The following SLC8A1 variants were observed in gnomAD, a reference collection of about 807,000 sequenced individuals.
The protein encoded by SLC8A1 is sodium/calcium exchanger 1.
In SLC8A1, 18 loss-of-function variants were observed where a neutral mutation model predicts 68.3. The observed-to-expected ratio is 0.26, with a 90% CI of 0.18 to 0.39. The LOEUF is 0.39. SLC8A1 is among the 10% of genes least tolerant of loss of function. SLC8A1 has a pLI of 1.00. For synonymous variants in SLC8A1, 475 were observed against 415.5 expected (o/e 1.14, Z -1.74); for missense variants, 985 against 1,156.7 (o/e 0.85, Z 2.15).
At position 40,172,605 on chromosome 2, in the gene SLC8A1, T is replaced by C. The variant is rs72792748; in HGVS notation, c.1930+2220A>G. On this transcript the variant is annotated intron_variant, in intron 4 of 7. Transcript: ENST00000406785. ...AACTAGGATCCCATTACCTGAGATATTAAAAGGGAGGACAGTTCAAATGAC... is the reference window on the plus strand; with the variant it reads ...AACTAGGATCCCATTACCTGAGATACTAAAAGGGAGGACAGTTCAAATGAC... Among the ~76,000 whole-genome samples the C allele has an allele frequency of 3.5e-3, 537 of 152,046 alleles. 3 individuals carry two copies. The highest frequency in any genetic ancestry group is 0.017 in the Middle Eastern group (5 of 294).
chr2:40,401,287 G>T (rs937160258), intron 2 of SLC8A1, among the ~76,000 whole-genome samples: 2 of 152,058 alleles, frequency 1.3e-5, no homozygotes, highest in African/African-American at 2.4e-5. Flanking sequence ...CTTCAAACAC[G>T]CTACAAGTTT....
chr2:40,357,328 C>T (rs1036963838), intron 2 of SLC8A1, among the ~76,000 whole-genome samples: 5 of 151,150 alleles, frequency 3.3e-5, no homozygotes, highest in African/African-American at 1.2e-4. Flanking sequence ...CCTGTCTCTA[C>T]AAAACATTTT....
At chr2:40,485,125 G>T (rs757555961) in intron 1 of SLC8A1, among the ~76,000 whole-genome samples, 5 of 152,054 alleles carry the variant, frequency 3.3e-5, no homozygotes, top group Non-Finnish European at 5.9e-5. Context: ...AATAGAGGAG[G>T]AGGAGTAGAA....
At chr2:40,285,290 T>A (rs541352611) in intron 2 of SLC8A1, among the ~76,000 whole-genome samples, 4 of 152,162 alleles carry the variant, frequency 2.6e-5, no homozygotes, top group Non-Finnish European at 5.9e-5. Context: ...GACGTTCTCT[T>A]TAACCCTTTC....
intron 2 of SLC8A1, among the ~76,000 whole-genome samples, chr2:40,244,941 A>G (rs1414640909): frequency 6.6e-6 from 1 of 152,208 alleles, no homozygotes; most frequent in East Asian, 1.9e-4. Context: ...TCTGCTGTAC[A>G]TATTTGCCAA....
At chr2:40,178,238 G>A in intron 2 of SLC8A1, 149 bp downstream of exon 3, 1 of 686,294 alleles carries the variant, frequency 1.5e-6, no homozygotes, top group Admixed American at 2.3e-5. Flanking sequence ...CTACAGGCCT[G>A]CCTACTGTGG....
intron 6 of SLC8A1, among the ~76,000 whole-genome samples, chr2:40,150,814 C>G (rs767251115): frequency 3.3e-5 from 5 of 152,222 alleles, no homozygotes; most frequent in Non-Finnish European, 5.9e-5. Flanking sequence ...CTCCCACCCT[C>G]TCGTACTTCC....
At chr2:40,270,158 A>G (rs1463717956) in intron 2 of SLC8A1, among the ~76,000 whole-genome samples, 2 of 152,204 alleles carry the variant, frequency 1.3e-5, no homozygotes, top group Non-Finnish European at 2.9e-5. Flanking sequence ...TGTCTATGAG[A>G]CAATTCAAAA....
intron 2 of SLC8A1, among the ~76,000 whole-genome samples, chr2:40,198,230 G>C (rs2053465571): frequency 6.6e-6 from 1 of 151,928 alleles, no homozygotes; most frequent in Non-Finnish European, 1.5e-5. Context: ...TAGAAGTAAA[G>C]GAGGGATTAG....
chr2:40,356,738 G>A (rs537200749), intron 2 of SLC8A1, among the ~76,000 whole-genome samples: 1 of 152,308 alleles, frequency 6.6e-6, no homozygotes, highest in East Asian at 1.9e-4. Flanking sequence ...AAGCACTTAT[G>A]TCTACTTAAA....
At chr2:40,363,955 A>T (rs1437129019) in intron 2 of SLC8A1, among the ~76,000 whole-genome samples, 1 of 151,978 alleles carries the variant, frequency 6.6e-6, no homozygotes, top group Non-Finnish European at 1.5e-5. Flanking sequence ...TTCGGGGAGA[A>T]AAAAATGAAA....
intron 2 of SLC8A1, among the ~76,000 whole-genome samples, chr2:40,342,023 A>G (rs771808607): frequency 1.1e-4 from 16 of 152,128 alleles, no homozygotes; most frequent in Non-Finnish European, 1.8e-4. Flanking sequence ...TATAGACCTA[A>G]TCAAAGGTTA....
At chr2:40,206,740 G>A (rs1481429140) in intron 2 of SLC8A1, among the ~76,000 whole-genome samples, 8 of 152,016 alleles carry the variant, frequency 5.3e-5, no homozygotes, top group Admixed American at 3.9e-4. Flanking sequence ...CGATCTACAT[G>A]GTTGAGGGGG....
At chr2:40,448,081 AGCAAGGACTAC>A (rs1701776063) in intron 1 of SLC8A1, among the ~76,000 whole-genome samples, 1 of 152,278 alleles carries the variant, frequency 6.6e-6, no homozygotes, top group Admixed American at 6.5e-5. Flanking sequence ...CACTTGAGGC[AGCAAGGACTAC>A]GAGCAACTGT....
chr2:40,430,349 C>T (rs1348349035), intron 1 of SLC8A1, 45 bp from the exon 2 acceptor site: 1 of 1,506,036 alleles, frequency 6.6e-7, no homozygotes, highest in Non-Finnish European at 8.9e-7. Context: ...AAAGTCATGT[C>T]ATTAGAGCTG....
intron 2 of SLC8A1, among the ~76,000 whole-genome samples, chr2:40,350,754 G>A (rs56281318): frequency 0.018 from 2,685 of 152,028 alleles, 94 homozygotes; most frequent in African/African-American, 0.061. Flanking sequence ...TGCCTGGCAC[G>A]TCACTAATCT....
At chr2:40,344,035 A>T (rs13032295) in intron 2 of SLC8A1, among the ~76,000 whole-genome samples, 7,746 of 152,280 alleles carry the variant, frequency 0.051, 297 homozygotes, top group Non-Finnish European at 0.074. Context: ...GTACGATGGC[A>T]ATATAATGAA....
intron 2 of SLC8A1, among the ~76,000 whole-genome samples, chr2:40,308,161 G>A (rs2073013278): frequency 6.6e-6 from 1 of 152,072 alleles, no homozygotes; most frequent in Non-Finnish European, 1.5e-5. Context: ...TGCTTAGTGT[G>A]GCATCTGCTT....
At chr2:40,226,936 T>C (rs992385296) in intron 2 of SLC8A1, among the ~76,000 whole-genome samples, 1 of 152,146 alleles carries the variant, frequency 6.6e-6, no homozygotes, top group Non-Finnish European at 1.5e-5. Context: ...TATGTTAAAA[T>C]AGCTCTCTTG....
Sources: gnomAD v4.1 joint callset for allele counts (sites outside exome capture counted in the v4.1 genomes callset) on GRCh38, gnomAD v4.1.1 for gene constraint, MANE v1.5 for transcripts, NCBI Gene and HGNC (gene_info 2026-07-23, HGNC 2026-07-21) for gene names.